ROBO1: variants seen among roughly 807,000 people sequenced by gnomAD.
ROBO1 encodes the protein roundabout homolog 1.
A neutral mutation model predicts 195.9 loss-of-function variants in ROBO1; 149 were observed. The ratio of observed to expected loss-of-function variants is 0.76; its 90% CI spans 0.67 to 0.87. The LOEUF is 0.87. Ranked by LOEUF, ROBO1 falls within the 40% of genes least tolerant of loss-of-function variation. ROBO1 has a pLI of 0.00. For missense variants in ROBO1, 1,933 were observed against 2,068.3 expected (o/e 0.93, Z 1.27); for synonymous variants, 816 against 733.2 (o/e 1.11, Z -1.82).
At chr3:79,085,149 A>G (rs1023866048) in intron 3 of ROBO1, among the ~76,000 whole-genome samples, 2 of 152,166 alleles carry the variant, frequency 1.3e-5, no homozygotes, top group African/African-American at 4.8e-5. Flanking sequence ...AAGCATAAAC[A>G]CTAGTAATTT....
intron 24 of ROBO1, 153 bp downstream of exon 24, chr3:78,633,782 C>G: frequency 2.2e-6 from 1 of 447,090 alleles, no homozygotes; most frequent in South Asian, 6.4e-5. Flanking sequence ...GAAAGTCCCT[C>G]AAATTGCAGA....
intron 5 of ROBO1, among the ~76,000 whole-genome samples, chr3:78,745,414 T>C (rs1559809217): frequency 6.6e-6 from 1 of 152,092 alleles, no homozygotes; most frequent in Non-Finnish European, 1.5e-5. Flanking sequence ...TTTAATGTGT[T>C]TGAATAAGTA....
At position 78,720,601 on chromosome 3, in the gene ROBO1, C is replaced by T. The variant is rs568733627; in HGVS notation, c.658-2718G>A. 3.9e-5 allele frequency among the ~76,000 whole-genome samples: 6 copies of T among 152,278 alleles called. No homozygotes were observed. In the East Asian group the frequency reaches 5.8e-4, roughly 15 times the overall value. On this transcript the variant is annotated intron_variant, in intron 5 of 30. Transcript: ENST00000464233. ...CAGCCATCCCATTACTGGGTATATA[C>T]CCAAAGGATTATAAATCATGCTGCC...
At chr3:79,496,762 A>T (rs1250489746) in intron 2 of ROBO1, among the ~76,000 whole-genome samples, 1 of 152,110 alleles carries the variant, frequency 6.6e-6, no homozygotes, top group African/African-American at 2.4e-5. Context: ...TATGGAGAAA[A>T]TGTTACTATT....
chr3:78,986,743 G>C (rs1305200278), intron 3 of ROBO1, among the ~76,000 whole-genome samples: 1 of 152,132 alleles, frequency 6.6e-6, no homozygotes, highest in East Asian at 1.9e-4. Context: ...GGCCTTTTGG[G>C]ATATGTGAAG....
At chr3:78,704,679 A>G (rs1460372254) in intron 8 of ROBO1, among the ~76,000 whole-genome samples, 1 of 151,106 alleles carries the variant, frequency 6.6e-6, no homozygotes, top group Non-Finnish European at 1.5e-5. Context: ...AAAAAAAAAA[A>G]AAAGGAAAGA....
At chr3:79,221,932 G>A (rs1378737152) in intron 2 of ROBO1, among the ~76,000 whole-genome samples, 1 of 152,036 alleles carries the variant, frequency 6.6e-6, no homozygotes, top group Non-Finnish European at 1.5e-5. Context: ...AATATACAGA[G>A]TTTTACATAT....
chr3:79,578,304 A>C (rs2107778855), intron 2 of ROBO1, among the ~76,000 whole-genome samples: 1 of 152,318 alleles, frequency 6.6e-6, no homozygotes, highest in South Asian at 2.1e-4. Flanking sequence ...TAAAGTTGTA[A>C]GTGTATGATG....
At chr3:79,667,696 A>AT (rs1276998272) in intron 1 of ROBO1, among the ~76,000 whole-genome samples, 1 of 151,762 alleles carries the variant, frequency 6.6e-6, no homozygotes, top group Admixed American at 6.6e-5. Flanking sequence ...GATATCAGAG[A>AT]TTTTTTCAGT....
intron 3 of ROBO1, among the ~76,000 whole-genome samples, chr3:78,958,335 C>T (rs191523423): frequency 1.8e-4 from 28 of 152,194 alleles, no homozygotes; most frequent in African/African-American, 6.0e-4. Context: ...GGGCTTTGAA[C>T]TAAAACATTT....
intron 10 of ROBO1, among the ~76,000 whole-genome samples, chr3:78,673,296 T>A (rs974015729): frequency 6.6e-6 from 1 of 151,090 alleles, no homozygotes; most frequent in African/African-American, 2.4e-5. Flanking sequence ...CTATAACTTG[T>A]TATTAGTCAC....
At chr3:78,704,356 G>T (rs970728538) in intron 8 of ROBO1, among the ~76,000 whole-genome samples, 1 of 151,856 alleles carries the variant, frequency 6.6e-6, no homozygotes, top group Non-Finnish European at 1.5e-5. Context: ...AAATCCTATG[G>T]ATCTCACACA....
At position 79,282,249 on chromosome 3, in the gene ROBO1, G is replaced by A. The variant is rs573246047; in HGVS notation, c.89-156710C>T. Among the ~76,000 whole-genome samples the A allele has an allele frequency of 2.0e-5, 3 of 152,318 alleles. No homozygotes were observed. In the South Asian group the frequency reaches 6.2e-4, roughly 32 times the overall value. On this transcript the variant is annotated intron_variant, in intron 2 of 30. Transcript: ENST00000464233. ...GAAGATACTGTAAAGGTGAAGAACAGTGTAAAGGACATTCAAGATAGAATA... is the reference window on the plus strand; with the variant it reads ...GAAGATACTGTAAAGGTGAAGAACAATGTAAAGGACATTCAAGATAGAATA...
intron 2 of ROBO1, among the ~76,000 whole-genome samples, chr3:79,235,386 G>A (rs759000119): frequency 2.4e-4 from 37 of 151,922 alleles, no homozygotes; most frequent in African/African-American, 6.5e-4. Flanking sequence ...AGTAAGGGGC[G>A]CTGTGTAGAT....
At chr3:78,968,479 T>C (rs777380025) in intron 3 of ROBO1, among the ~76,000 whole-genome samples, 52 of 152,102 alleles carry the variant, frequency 3.4e-4, no homozygotes, top group Non-Finnish European at 6.8e-4. Context: ...GGTTTCACCA[T>C]GTTGGCCAGG....
chr3:79,402,160 A>G (rs2037389092), intron 2 of ROBO1, among the ~76,000 whole-genome samples: 1 of 151,940 alleles, frequency 6.6e-6, no homozygotes, highest in Non-Finnish European at 1.5e-5. Flanking sequence ...TTTATGTGAG[A>G]ATTAGAAAAA....
At position 78,816,941 on chromosome 3, in the gene ROBO1, G is replaced by A. The variant is rs1296241478; in HGVS notation, c.500-70041C>T. 1.3e-4 allele frequency among the ~76,000 whole-genome samples: 20 copies of A among 151,794 alleles called. 1 individual carries two copies. Among genetic ancestry groups the A allele is most frequent in the Admixed American group, 1.3e-3 (20 of 15,220 alleles). On this transcript the variant is annotated intron_variant, in intron 4 of 30. Coordinates refer to ENST00000464233, the MANE Select transcript of ROBO1 (RefSeq NM_002941.4). ...TTGGCACATGTATACATGTGTGACT[G>A]ACCTGCGCAGTGTGCACATGTACCC...
At chr3:79,259,889 T>C (rs1392032446) in intron 2 of ROBO1, among the ~76,000 whole-genome samples, 1 of 152,206 alleles carries the variant, frequency 6.6e-6, no homozygotes, top group African/African-American at 2.4e-5. Flanking sequence ...AAAGAACTTT[T>C]TCAATTGTAA....
intron 9 of ROBO1, among the ~76,000 whole-genome samples, chr3:78,686,585 T>C (rs111876917): frequency 0.014 from 2,076 of 151,926 alleles, 20 homozygotes; most frequent in Non-Finnish European, 0.017. Context: ...ACTATCATTA[T>C]GGTAAAAAAT....
Sources: allele counts gnomAD v4.1 joint callset (sites outside exome capture counted in the v4.1 genomes callset), GRCh38; gene constraint gnomAD v4.1.1; transcripts MANE v1.5; gene names NCBI Gene and HGNC (gene_info 2026-07-23, HGNC 2026-07-21).